SNX30: variants seen among roughly 807,000 people sequenced by gnomAD.
The protein encoded by SNX30 is sorting nexin-30.
A neutral mutation model predicts 46.4 loss-of-function variants in SNX30; 24 were observed. The observed-to-expected ratio is 0.52, with a 90% confidence interval of 0.37 to 0.73. The LOEUF (loss-of-function observed/expected upper bound fraction) is 0.73, where lower values mean the gene tolerates loss of function less well. Ranked by LOEUF, SNX30 falls within the 30% of genes least tolerant of loss-of-function variation. The pLI is 0.00. For missense variants in SNX30, 533 were observed against 555.7 expected (o/e 0.96, Z 0.41); for synonymous variants, 189 against 211.5 (o/e 0.89, Z 0.92).
chr9:112,755,394 G>C (rs1020326275), intron 1 of SNX30, among the ~76,000 whole-genome samples: 5 of 152,114 alleles, frequency 3.3e-5, no homozygotes, highest in African/African-American at 9.7e-5. Context: ...GAGCATTGGA[G>C]AGTTAAAGGC....
At chr9:112,805,939 C>T (rs1840218452) in intron 2 of SNX30, among the ~76,000 whole-genome samples, 1 of 152,202 alleles carries the variant, frequency 6.6e-6, no homozygotes, top group Admixed American at 6.5e-5. Context: ...AAACCATACT[C>T]TTTACATAAT....
At position 112,787,155 on chromosome 9, in the gene SNX30, A is replaced by G. The variant is rs897830600; in HGVS notation, c.157-17621A>G. 2.6e-5 allele frequency among the ~76,000 whole-genome samples: 4 copies of G among 152,320 alleles called. No individual in the cohort carries two copies. In the East Asian group the frequency reaches 5.8e-4, roughly 22 times the overall value. ...GATTCTAAAAAGATGCTGTGTGGAA[A>G]CTGTGTCTCAGGCCTCGAAAAGTTC... is the stretch of plus-strand genomic sequence containing the variant. On this transcript the variant is annotated intron_variant, in intron 1 of 8. Coordinates refer to ENST00000374232, the MANE Select transcript of SNX30 (RefSeq NM_001012994.2).
At chr9:112,842,188 CTG>C in intron 6 of SNX30, among the ~76,000 whole-genome samples, 1 of 152,350 alleles carries the variant, frequency 6.6e-6, no homozygotes, top group Middle Eastern at 3.4e-3. Flanking sequence ...AGTGATCTGC[CTG>C]CCCTGGCCTC....
chr9:112,758,588 G>T (rs1839388161), intron 1 of SNX30, among the ~76,000 whole-genome samples: 1 of 152,148 alleles, frequency 6.6e-6, no homozygotes, highest in South Asian at 2.1e-4. Context: ...TAGAGACGGG[G>T]TTTCGCCATG....
chr9:112,822,355 C>T (rs533643394), intron 3 of SNX30, among the ~76,000 whole-genome samples: 1 of 152,194 alleles, frequency 6.6e-6, no homozygotes, highest in East Asian at 1.9e-4. Flanking sequence ...TTCATTATGA[C>T]TTTTTCCCTC....
chr9:112,761,186 G>A (rs531530355), intron 1 of SNX30, among the ~76,000 whole-genome samples: 4 of 152,184 alleles, frequency 2.6e-5, no homozygotes, highest in Non-Finnish European at 4.4e-5. Context: ...TTTTTGAGAC[G>A]GAGTCTCGCT....
At chr9:112,772,079 T>G (rs1193141753) in intron 1 of SNX30, among the ~76,000 whole-genome samples, 1 of 152,186 alleles carries the variant, frequency 6.6e-6, no homozygotes, top group Non-Finnish European at 1.5e-5. Context: ...CAGAGGACTT[T>G]CCTTGCCTAG....
chr9:112,829,185 G>C (rs1187600094), intron 3 of SNX30, among the ~76,000 whole-genome samples: 1 of 152,070 alleles, frequency 6.6e-6, no homozygotes, highest in Non-Finnish European at 1.5e-5. Context: ...TCTGCCTTTT[G>C]GTCATTGTAA....
rs1841423852 is a variant in SNX30 at position 112,870,203 on chromosome 9, C to T, written c.*1360C>T. On this transcript the variant is annotated 3_prime_UTR_variant, in exon 9 of 9. Transcript: ENST00000374232. ...TTTCTGCTGAAATGAAGCTACATGT[C>T]ATGTTTGTGTTCTTTCATCTGTGGC... 6.6e-6 allele frequency: 1 copy of T among 152,122 alleles called. No homozygotes were observed. The highest frequency in any genetic ancestry group is 6.5e-5 in the Admixed American group (1 of 15,274). The allele number at this position is 152,122 out of a possible 1,614,324, so 9.4% of individuals were successfully genotyped here. A position where few individuals can be genotyped will look rare whatever the true frequency, so the allele number is the denominator to read the frequency against.
intron 1 of SNX30, among the ~76,000 whole-genome samples, chr9:112,786,117 CTTT>C (rs140987500): frequency 2.3e-3 from 297 of 130,154 alleles, no homozygotes; most frequent in East Asian, 2.0e-3. Context: ...AGGAGCTGTC[CTTT>C]TTTTTTTTTT....
intron 1 of SNX30, among the ~76,000 whole-genome samples, chr9:112,794,737 A>G (rs577340009): frequency 2.6e-5 from 4 of 152,370 alleles, no homozygotes; most frequent in African/African-American, 9.6e-5. Flanking sequence ...AATGTAATAT[A>G]AAATTTTGCC....
rs773674338 is a variant in SNX30, at chr9:112,838,614, G to A, written c.931G>A (p.Ala311Thr). 1 of 1,614,204 alleles carries A rather than the reference G, an allele frequency of 6.2e-7. No individual in the cohort carries two copies. The highest frequency in any genetic ancestry group is 8.5e-7 in the Non-Finnish European group (1 of 1,180,028). Residue 311 changes from alanine to threonine, a missense_variant, in exon 6 of 9, where the codon GCC (alanine) becomes ACC (threonine). Ala to Thr is a moderately conservative substitution (Grantham distance 58, BLOSUM62 0). Transcript: ENST00000374232. The part of the protein sequence containing the change: ...VSACIGNCST[A>T]LEELTDDMTE... ...AGCTTGCATTGGGAACTGCTCTACA[G>A]CCTTAGAAGAGCTGACAGATGACAT... is the stretch of plus-strand genomic sequence containing the variant.
chr9:112,766,893 A>T (rs1252526555), intron 1 of SNX30, among the ~76,000 whole-genome samples: 1 of 152,206 alleles, frequency 6.6e-6, no homozygotes, highest in East Asian at 1.9e-4. Context: ...CCTCTTGGCC[A>T]TTGTGAACAA....
intron 7 of SNX30, among the ~76,000 whole-genome samples, chr9:112,860,812 A>G (rs1175197774): frequency 6.6e-6 from 1 of 152,204 alleles, no homozygotes; most frequent in East Asian, 1.9e-4. Context: ...AAGCTTGAGG[A>G]GCTGTGCAAG....
rs573887514 is a variant in SNX30, at chr9:112,870,487, A to G, written c.*1644A>G. ...TGGTTCTGTTTCATTGTGTTTGACAATGTTGCAGTTTAAATGATAATGTTT... is the reference window on the plus strand; with the variant it reads ...TGGTTCTGTTTCATTGTGTTTGACAGTGTTGCAGTTTAAATGATAATGTTT... On this transcript the variant is annotated 3_prime_UTR_variant, in exon 9 of 9. Coordinates refer to ENST00000374232, the MANE Select transcript of SNX30 (RefSeq NM_001012994.2). The G allele has an allele frequency of 1.4e-4, 21 of 152,318 alleles. No homozygotes were observed. The highest frequency in any genetic ancestry group is 4.6e-4 in the African/African-American group (19 of 41,564). 9.4% of individuals were successfully genotyped at this position (152,318 alleles called of 1,614,324 possible).
intron 6 of SNX30, among the ~76,000 whole-genome samples, chr9:112,846,295 A>C (rs1239899153): frequency 6.6e-6 from 1 of 152,244 alleles, no homozygotes; most frequent in Non-Finnish European, 1.5e-5. Flanking sequence ...TGATGAGATT[A>C]TGTATGACTT....
chr9:112,778,567 C>T (rs528314009), intron 1 of SNX30, among the ~76,000 whole-genome samples: 8 of 152,270 alleles, frequency 5.3e-5, no homozygotes, highest in Admixed American at 3.9e-4. Flanking sequence ...CCACTGCGCC[C>T]GGCCCGGCCA....
chr9:112,839,780 T>C (rs946605714), intron 6 of SNX30, among the ~76,000 whole-genome samples: 1 of 152,176 alleles, frequency 6.6e-6, no homozygotes, highest in African/African-American at 2.4e-5. Flanking sequence ...GGGCATCCCA[T>C]GAGGAAAGAC....
chr9:112,864,626 A>C (rs1382715973), intron 8 of SNX30, among the ~76,000 whole-genome samples: 2 of 152,080 alleles, frequency 1.3e-5, no homozygotes, highest in Non-Finnish European at 2.9e-5. Flanking sequence ...GCTGCTGGGG[A>C]AGCAGCCCAT....
Sources: allele counts gnomAD v4.1 joint callset (sites outside exome capture counted in the v4.1 genomes callset), GRCh38; gene constraint gnomAD v4.1.1; transcripts MANE v1.5; gene names NCBI Gene and HGNC (gene_info 2026-07-23, HGNC 2026-07-21).